Variants in AGBL5 observed in about 807,000 individuals in gnomAD.
AGBL5 encodes AGBL carboxypeptidase 5.
AGBL5 carries 51 observed loss-of-function variants against 88.0 expected under a neutral mutation model. The observed-to-expected ratio is 0.58, with a 90% CI of 0.46 to 0.73. AGBL5 has a LOEUF of 0.73. Ranked by LOEUF, AGBL5 falls within the 30% of genes least tolerant of loss-of-function variation. The pLI is 0.00. For missense variants in AGBL5, 1,031 were observed against 1,162.2 expected (o/e 0.89, Z 1.64); for synonymous variants, 446 against 438.8 (o/e 1.02, Z -0.21).
intron 13 of AGBL5, chr2:27,069,102 A>G (rs1049690368): frequency 3.1e-5 from 42 of 1,341,872 alleles, no homozygotes; most frequent in Non-Finnish European, 4.0e-5. Context: ...CAGGTAACAC[A>G]TTTGGTTGCT....
intron 10 of AGBL5, among the ~76,000 whole-genome samples, chr2:27,058,898 G>C (rs1194125096): frequency 1.3e-5 from 2 of 152,190 alleles, no homozygotes; most frequent in African/African-American, 4.8e-5. Flanking sequence ...AGCTTCCAAG[G>C]GTTGTGAATG....
chr2:27,055,765 C>T lies in AGBL5; in HGVS notation c.992C>T (p.Ala331Val), dbSNP rs1668394456. Residue 331 changes from alanine to valine, a missense_variant, in exon 7 of 15, where the codon GCT becomes GTT. This residue lies in a region of AGBL5 where 540 missense variants were observed against 678.2 expected (regional missense o/e 0.80). Coordinates refer to ENST00000360131, the MANE Select transcript of AGBL5 (RefSeq NM_021831.6). ...VLHPAIYGAK[A>V]VLLYHHVHSR... ...CACCCGGCCATCTATGGGGCCAAAG[C>T]TGTGCTTCTCTACCACCATGTGCAC... 1 of 1,614,186 alleles carries T rather than the reference C, an allele frequency of 6.2e-7. No individual in the cohort carries two copies. The highest frequency in any genetic ancestry group is 8.5e-7 in the Non-Finnish European group (1 of 1,180,032).
Position 27,056,700 on chromosome 2 carries a change from G to A in AGBL5, c.1443G>A (p.Glu481=), listed in dbSNP as rs1249338648. The A allele has an allele frequency of 4.3e-6, 7 of 1,613,558 alleles. No individual in the cohort carries two copies. Among genetic ancestry groups the A allele is most frequent in the Non-Finnish European group, 5.9e-6 (7 of 1,179,724 alleles). ...HFDFQGCNFS[E]KNMYARDRRD... is the part of the protein sequence containing the mutation. ...ACTTCCAGGGCTGCAATTTCTCAGA[G>A]AAGAATATGTATGCCCGAGACCGTA... is the stretch of plus-strand genomic sequence containing the variant. The change falls in exon 8 of 15, where the codon GAG becomes GAA. Residue 481 remains glutamate, a synonymous_variant. Transcript: ENST00000360131.
At chr2:27,052,852 C>A in intron 1 of AGBL5, 61 bp from the exon 2 acceptor site, 1 of 988,252 alleles carries the variant, frequency 1.0e-6, no homozygotes, top group Non-Finnish European at 1.4e-6. Flanking sequence ...CAAGAGATAC[C>A]CAGAAAACTC....
In AGBL5 at chr2:27,059,253, A is replaced by C. The variant is rs1221381772; in HGVS notation, c.1938A>C (p.Thr646=). Reference sequence around the variant, plus strand: ...GGGCACGAAGTTTTAGCACCGGCACAAGTGCCGGTGGTAGCAGCAGCAGCC... The same window carrying C: ...GGGCACGAAGTTTTAGCACCGGCACCAGTGCCGGTGGTAGCAGCAGCAGCC... The part of the protein sequence containing the change: ...LSRARSFSTG[T]SAGGSSSSQQ... Residue 646 remains threonine, a synonymous_variant, in exon 11 of 15, where the codon ACA becomes ACC. Coordinates refer to ENST00000360131, the MANE Select transcript of AGBL5 (RefSeq NM_021831.6). The C allele has an allele frequency of 6.2e-7, 1 of 1,614,098 alleles. No homozygotes were observed. Among genetic ancestry groups the C allele is most frequent in the Non-Finnish European group, 8.5e-7 (1 of 1,180,044 alleles).
rs1400709852 is a variant in AGBL5, at chr2:27,055,711, G to A, written c.938G>A (p.Arg313His). Reference protein sequence around the residue: ...RTDSRGVNLNRQYLKPDAVLH... With the variant: ...RTDSRGVNLNHQYLKPDAVLH... ...GACTCACGTGGAGTGAATCTGAACCGTCAGTACCTGAAGCCTGATGCCGTC... is the reference window on the plus strand; with the variant it reads ...GACTCACGTGGAGTGAATCTGAACCATCAGTACCTGAAGCCTGATGCCGTC... Residue 313 changes from arginine (R) to histidine (H), a missense_variant, in exon 7 of 15, where the codon CGT (arginine) becomes CAT (histidine). Transcript: ENST00000360131. 11 of 1,613,780 alleles carry A rather than the reference G, an allele frequency of 6.8e-6. No individual in the cohort carries two copies. Among genetic ancestry groups the A allele is most frequent in the Admixed American group, 1.7e-5 (1 of 59,974 alleles).
At chr2:27,055,616 C>G in intron 6 of AGBL5, 66 bp from the exon 7 acceptor site, 1 of 1,433,336 alleles carries the variant, frequency 7.0e-7, no homozygotes, top group Non-Finnish European at 9.5e-7. Context: ...TCCTTTTCAT[C>G]TACACTAGTG....
rs939484484 is a variant in AGBL5, at chr2:27,058,306, C to T, written c.1672-94C>T. The stretch of plus-strand genomic sequence containing the variant: ...CCAATGAGCAAATTATAGGTCTGGC[C>T]CCTCCTTCCCTTCCACTGTGCTGTG... On this transcript the variant is annotated intron_variant, in intron 9 of 14. Transcript: ENST00000360131. The T allele has an allele frequency of 6.3e-6, 9 of 1,418,190 alleles. No homozygotes were observed. The East Asian group carries it at 6.9e-5, about 11-fold the overall frequency. 87.9% of individuals were successfully genotyped at this position (1,418,190 alleles called of 1,614,324 possible).
Position 27,059,392 on chromosome 2 carries a change from G to A in AGBL5, c.2077G>A (p.Gly693Ser). The A allele has an allele frequency of 6.2e-7, 1 of 1,614,198 alleles. No individual in the cohort carries two copies. Among genetic ancestry groups the A allele is most frequent in the Non-Finnish European group, 8.5e-7 (1 of 1,180,046 alleles). The change falls in exon 11 of 15, where the codon GGC (glycine) becomes AGC (serine). Residue 693 changes from glycine to serine, a missense_variant. Gly to Ser is a moderately conservative substitution (Grantham distance 56, BLOSUM62 0). Around this residue, in one of 2 missense-constraint regions of AGBL5, gnomAD observed 491 missense variants for 484.0 expected, o/e 1.01. Coordinates refer to ENST00000360131, the MANE Select transcript of AGBL5 (RefSeq NM_021831.6). Reference sequence around the variant, plus strand: ...CCAAAAGGTCACCCACCGGGTGCTGGGCCCCGTCAGAGGTAAGCCAGTCTG... The same window carrying A: ...CCAAAAGGTCACCCACCGGGTGCTGAGCCCCGTCAGAGGTAAGCCAGTCTG... ...STQKVTHRVL[G>S]PVREPRSQDR...
chr2:27,052,716 C>T (rs1249162430), intron 1 of AGBL5, among the ~76,000 whole-genome samples, 197 bp from the exon 2 acceptor site: 5 of 152,208 alleles, frequency 3.3e-5, no homozygotes, highest in African/African-American at 1.2e-4. Context: ...TCATTTACAA[C>T]CCTTAGTGTT....
chr2:27,068,362 A>C (rs1401514937), intron 12 of AGBL5, among the ~76,000 whole-genome samples: 1 of 152,166 alleles, frequency 6.6e-6, no homozygotes, highest in Non-Finnish European at 1.5e-5. Context: ...AGCCTCAACC[A>C]GGGGTGATTT....
At chr2:27,055,295 C>T (rs996614253) in intron 6 of AGBL5, 42 bp downstream of exon 6, 2 of 1,592,476 alleles carry the variant, frequency 1.3e-6, no homozygotes, top group Non-Finnish European at 1.7e-6. Context: ...TCCCATTTCC[C>T]CTCATGCCCT....
chr2:27,050,924 G>A (rs142910556), upstream of AGBL5: 39 of 152,364 alleles, frequency 2.6e-4, no homozygotes, highest in Non-Finnish European at 4.9e-4. Context: ...TAAGGGGAAA[G>A]GCTTGGAGGC....
chr2:27,059,095 C>A, intron 10 of AGBL5, 95 bp from the exon 11 acceptor site: 1 of 1,264,188 alleles, frequency 7.9e-7, no homozygotes, highest in Non-Finnish European at 1.1e-6. Context: ...GCCTTTTTAC[C>A]CCAGAGGTGA....
In AGBL5 at chr2:27,067,569, C is replaced by G; in HGVS notation, c.2165C>G (p.Pro722Arg). ...HRPAGSLAPSPAPTSSGPASS... is the reference protein window; with the variant it reads ...HRPAGSLAPSRAPTSSGPASS... ...CCTGCAGGCAGCCTCGCTCCATCCC[C>G]AGCTCCTACTAGTTCTGGCCCAGCC... is the stretch of plus-strand genomic sequence containing the variant. The change falls in exon 12 of 15, where the codon CCA becomes CGA. Residue 722 changes from proline to arginine, a missense_variant. Physicochemically the swap from Pro to Arg is moderately radical, Grantham distance 103 (BLOSUM62 -2). Transcript: ENST00000360131. 1 of 1,614,150 alleles carries G rather than the reference C, an allele frequency of 6.2e-7. No individual in the cohort carries two copies. The highest frequency in any genetic ancestry group is 8.5e-7 in the Non-Finnish European group (1 of 1,180,052).
intron 11 of AGBL5, among the ~76,000 whole-genome samples, chr2:27,063,487 C>T (rs904327108): frequency 3.3e-5 from 5 of 151,714 alleles, no homozygotes; most frequent in East Asian, 3.9e-4. Context: ...CCCAGCTACT[C>T]GGAAGGCTGA....
intron 11 of AGBL5, among the ~76,000 whole-genome samples, chr2:27,066,213 GAC>G (rs1225456126): frequency 7.6e-6 from 1 of 131,056 alleles, no homozygotes; most frequent in Non-Finnish European, 1.6e-5. Context: ...CAGCCTAGGT[GAC>G]AGAGTGAGAC....
rs1668280758 is a variant in AGBL5 at position 27,053,505 on chromosome 2, G to A, written c.319G>A (p.Ala107Thr). The change falls in exon 3 of 15, where the codon GCC becomes ACC. Residue 107 changes from alanine to threonine, a missense_variant. By Grantham distance (58) the Ala-to-Thr change is moderately conservative (BLOSUM62 0). Transcript: ENST00000360131. The surrounding 1 kb of genome is among the most constrained non-coding windows in gnomAD (Gnocchi z 4.9). ...GAGCAAGCTGTATTCCCAGGGCATG[G>A]CCCCCTTTGTGCGCACACTGCCCAC... The part of the protein sequence containing the change: ...KQSKLYSQGM[A>T]PFVRTLPTRP... 1 of 1,614,092 alleles carries A rather than the reference G, an allele frequency of 6.2e-7. No individual in the cohort carries two copies. Among genetic ancestry groups the A allele is most frequent in the Non-Finnish European group, 8.5e-7 (1 of 1,180,036 alleles).
In AGBL5 at chr2:27,053,752, G is replaced by A. The variant is rs913319916; in HGVS notation, c.388-144G>A. On this transcript the variant is annotated intron_variant, in intron 3 of 14. Transcript: ENST00000360131. The surrounding 1 kb of genome is among the most constrained non-coding windows in gnomAD (Gnocchi z 4.9). ...GCCCCTGCCTCAGGAAGCCTAGAAG[G>A]AGCCACTTTTCATATAGAAAGTGTC... The A allele has an allele frequency of 4.3e-6, 6 of 1,390,242 alleles. No homozygotes were observed. Among genetic ancestry groups the A allele is most frequent in the Non-Finnish European group, 5.8e-6 (6 of 1,031,836 alleles). The allele number at this position is 1,390,242 out of a possible 1,614,324, so 86.1% of individuals were successfully genotyped here. A position where few individuals can be genotyped will look rare whatever the true frequency, so the allele number is the denominator to read the frequency against.
Sources: allele counts gnomAD v4.1 joint callset (sites outside exome capture counted in the v4.1 genomes callset), GRCh38; gene constraint gnomAD v4.1.1; regional missense constraint gnomAD v4.1.1; non-coding constraint Gnocchi (gnomAD v3.1); transcripts MANE v1.5; gene names NCBI Gene and HGNC (gene_info 2026-07-23, HGNC 2026-07-21).